Variants in STON1 observed in about 807,000 individuals in gnomAD.
STON1 encodes the protein stonin-1.
In STON1, 79 loss-of-function variants were observed where a neutral mutation model predicts 60.9. The observed-to-expected ratio is 1.30, with a 90% CI of 1.08 to 1.56. The LOEUF (loss-of-function observed/expected upper bound fraction) is 1.56. Among genes scored for constraint, STON1 ranks in the 40% most tolerant of loss-of-function variants. The pLI is 0.00. For synonymous variants in STON1, 363 were observed against 306.9 expected (o/e 1.18, Z -1.91); for missense variants, 1,166 against 858.9 (o/e 1.36, Z -4.47).
intron 2 of STON1, among the ~76,000 whole-genome samples, chr2:48,583,966 G>T (rs1265008200): frequency 6.6e-6 from 1 of 151,758 alleles, no homozygotes; most frequent in South Asian, 2.1e-4. Context: ...GGCCAGGGTG[G>T]TCTCAAACTC....
intron 1 of STON1, among the ~76,000 whole-genome samples, chr2:48,570,260 G>A (rs187233401): frequency 2.2e-4 from 34 of 152,238 alleles, no homozygotes; most frequent in East Asian, 1.9e-3. Context: ...ACTTGAACCC[G>A]GGAGGTAGAA....
At chr2:48,555,220 C>T (rs1197406954) in intron 1 of STON1, among the ~76,000 whole-genome samples, 1 of 109,348 alleles carries the variant, frequency 9.1e-6, no homozygotes, top group Admixed American at 9.0e-5. Flanking sequence ...TCATCCTGGC[C>T]CGTTCTCAAT....
intron 1 of STON1, chr2:48,569,206 A>G (rs1266578632): frequency 6.6e-6 from 1 of 152,238 alleles, no homozygotes; most frequent in Admixed American, 6.5e-5. Context: ...CCCTTAGCAC[A>G]CCATGAACAC....
At chr2:48,532,036 A>T (rs1671231703) in intron 1 of STON1, 1 of 106,330 alleles carries the variant, frequency 9.4e-6, no homozygotes, top group Non-Finnish European at 2.3e-5. Flanking sequence ...TGGTCTCAAA[A>T]CATCATTAAG....
chr2:48,564,436 T>C (rs971293307), intron 1 of STON1, among the ~76,000 whole-genome samples: 17 of 47,586 alleles, frequency 3.6e-4, no homozygotes, highest in African/African-American at 1.1e-3. Context: ...TTCTTCTTCT[T>C]CTTCTTCTTC....
At chr2:48,568,675 A>T (rs551159997) in intron 1 of STON1, among the ~76,000 whole-genome samples, 3 of 152,182 alleles carry the variant, frequency 2.0e-5, no homozygotes, top group Non-Finnish European at 2.9e-5. Flanking sequence ...TGCAGTCAAG[A>T]AGGGGCAGGA....
chr2:48,575,139 T>C (rs1324695393), intron 1 of STON1, among the ~76,000 whole-genome samples: 2 of 152,244 alleles, frequency 1.3e-5, no homozygotes, highest in African/African-American at 4.8e-5. Context: ...ATGGGCTTAC[T>C]GCACTTAGCA....
chr2:48,548,803 T>C (rs1250793865), intron 1 of STON1, among the ~76,000 whole-genome samples: 1 of 152,040 alleles, frequency 6.6e-6, no homozygotes, highest in Non-Finnish European at 1.5e-5. Flanking sequence ...CCCGGCCTCA[T>C]TTTTCTTTTT....
At chr2:48,541,521 T>TA (rs1276920612) in intron 1 of STON1, among the ~76,000 whole-genome samples, 6,700 of 92,326 alleles carry the variant, frequency 0.073, 296 homozygotes, top group African/African-American at 0.14. Context: ...CCATCTCTAC[T>TA]AAAAAAAAAA....
intron 1 of STON1, among the ~76,000 whole-genome samples, chr2:48,572,071 G>C (rs1168274546): frequency 6.6e-6 from 1 of 152,192 alleles, no homozygotes; most frequent in African/African-American, 2.4e-5. Context: ...GCTGAGGCAG[G>C]AGAATTGCTT....
rs1331090443 is a variant in STON1, at chr2:48,598,237, T to C, written c.*2935T>C. ...TGTAAAAAAGATACTTTCCAGCACA[T>C]AAATAAAGGCTGGAATTTTACAACC... On this transcript the variant is annotated 3_prime_UTR_variant, in exon 4 of 4. Coordinates refer to ENST00000404752, the MANE Select transcript of STON1 (RefSeq NM_006873.4). 1 of 152,286 alleles carries C rather than the reference T, an allele frequency of 6.6e-6. No homozygotes were observed. Among genetic ancestry groups the C allele is most frequent in the Admixed American group, 6.5e-5 (1 of 15,280 alleles). The allele number at this position is 152,286 out of a possible 1,614,324, so 9.4% of individuals were successfully genotyped here. A position where few individuals can be genotyped will look rare whatever the true frequency, so the allele number is the denominator to read the frequency against.
rs375300132 is a variant in STON1, at chr2:48,582,361, G to C, written c.1728G>C (p.Ser576=). ...DNIRIHFPVP[S]QWIKALWTMN... ...TAAGGATACACTTTCCTGTCCCATC[G>C]CAGTGGATCAAGGCCCTTTGGACCA... The change falls in exon 2 of 4, where the codon TCG becomes TCC. Residue 576 remains serine (S), a synonymous_variant. Transcript: ENST00000404752. 5 of 1,614,136 alleles carry C rather than the reference G, an allele frequency of 3.1e-6. No individual in the cohort carries two copies. The East Asian group carries it at 1.1e-4, about 36-fold the overall frequency.
intron 1 of STON1, 119 bp downstream of exon 1, chr2:48,530,335 G>A: frequency 3.5e-6 from 1 of 286,612 alleles, no homozygotes; most frequent in South Asian, 2.8e-5. Flanking sequence ...GCATCTCCAG[G>A]GCCGCTCGGC....
At chr2:48,564,687 CT>C (rs1672854025) in intron 1 of STON1, among the ~76,000 whole-genome samples, 1 of 133,140 alleles carries the variant, frequency 7.5e-6, no homozygotes, top group African/African-American at 3.1e-5. Flanking sequence ...CTTCTTCCTT[CT>C]TTCTTCTTCT....
intron 1 of STON1, among the ~76,000 whole-genome samples, chr2:48,543,454 A>C (rs931370379): frequency 1.3e-5 from 2 of 151,976 alleles, no homozygotes; most frequent in Non-Finnish European, 2.9e-5. Context: ...TTAACCAGAA[A>C]TATCTCTTTG....
At chr2:48,592,605 T>G (rs1033685234) in intron 3 of STON1, among the ~76,000 whole-genome samples, 2 of 145,774 alleles carry the variant, frequency 1.4e-5, no homozygotes, top group Admixed American at 1.4e-4. Context: ...CTATTATTAT[T>G]ATTATTATTA....
Position 48,566,867 on chromosome 2 carries a change from A to G in STON1, c.-47-13720A>G, listed in dbSNP as rs551900383. Among the ~76,000 whole-genome samples, 9 of 152,292 alleles carry G rather than the reference A, an allele frequency of 5.9e-5. No homozygotes were observed. In the South Asian group the frequency reaches 1.9e-3, roughly 32 times the overall value. On this transcript the variant is annotated intron_variant, in intron 1 of 3. Coordinates refer to ENST00000404752, the MANE Select transcript of STON1 (RefSeq NM_006873.4). Reference sequence around the variant, plus strand: ...GTGTGGCCTCGAGCCATTGGAAGCAATATTAGTGTTTGTTCAAGTCGTTAC... The same window carrying G: ...GTGTGGCCTCGAGCCATTGGAAGCAGTATTAGTGTTTGTTCAAGTCGTTAC...
intron 1 of STON1, among the ~76,000 whole-genome samples, chr2:48,564,495 C>A (rs1558604998): frequency 6.0e-4 from 14 of 23,252 alleles, no homozygotes; most frequent in African/African-American, 2.3e-3. Context: ...TCTTCTTCTT[C>A]TTCTTCTTCT....
chr2:48,561,427 C>T lies in STON1; in HGVS notation c.-47-19160C>T, dbSNP rs564595026. Among the ~76,000 whole-genome samples the T allele has an allele frequency of 2.9e-3, 444 of 152,314 alleles. 1 individual carries two copies. Among genetic ancestry groups the T allele is most frequent in the African/African-American group, 0.01 (427 of 41,560 alleles). ...AAAGTGCAGAATTTGGGGCTATGGA[C>T]AGGGTTCAACTCTGATAGCATCATT... On this transcript the variant is annotated intron_variant, in intron 1 of 3. Coordinates refer to ENST00000404752, the MANE Select transcript of STON1 (RefSeq NM_006873.4).
Sources: gnomAD v4.1 joint callset for allele counts (sites outside exome capture counted in the v4.1 genomes callset) on GRCh38, gnomAD v4.1.1 for gene constraint, MANE v1.5 for transcripts, NCBI Gene and HGNC (gene_info 2026-07-23, HGNC 2026-07-21) for gene names.